Variants in WSCD1 observed in about 807,000 individuals in gnomAD.
WSCD1 encodes the protein sialate:O-sulfotransferase 1.
In WSCD1, 41 loss-of-function variants were observed where a neutral mutation model predicts 60.4. The ratio of observed to expected loss-of-function variants is 0.68; its 90% CI spans 0.53 to 0.88. The LOEUF is 0.88. Ranked by LOEUF, WSCD1 falls within the 40% of genes least tolerant of loss-of-function variation. WSCD1 has a pLI of 0.00. For missense variants in WSCD1, 784 were observed against 796.2 expected (o/e 0.98, Z 0.18); for synonymous variants, 361 against 332.5 (o/e 1.09, Z -0.93).
At chr17:6,081,721 A>T (rs894252078) in intron 2 of WSCD1, among the ~76,000 whole-genome samples, 6 of 152,118 alleles carry the variant, frequency 3.9e-5, no homozygotes, top group Non-Finnish European at 8.8e-5. Context: ...AAGAAAAAAA[A>T]AAAATTAGAC....
chr17:6,106,356 G>A (rs1392637872), intron 5 of WSCD1, among the ~76,000 whole-genome samples: 1 of 152,240 alleles, frequency 6.6e-6, no homozygotes, highest in Non-Finnish European at 1.5e-5. Context: ...GAACAGCCCA[G>A]GTGTCAATCA....
rs1051808926 is a variant in WSCD1 at position 6,070,659 on chromosome 17, C to T, written c.-289+7C>T. The T allele has an allele frequency of 1.3e-5, 2 of 150,302 alleles. No homozygotes were observed. The highest frequency in any genetic ancestry group is 4.9e-5 in the African/African-American group (2 of 41,038). 9.3% of individuals were successfully genotyped at this position (150,302 alleles called of 1,614,324 possible). ...AGCCGGCCGCGATCGCGGGGTGAGT[C>T]CTGTCTCTCGGCGCTCCAGCCGGAC... On this transcript the variant is annotated splice_region_variant and intron_variant, in intron 1 of 8. Coordinates refer to ENST00000317744, the MANE Select transcript of WSCD1 (RefSeq NM_015253.2).
At chr17:6,079,095 C>A (rs922060310) in intron 1 of WSCD1, among the ~76,000 whole-genome samples, 3 of 152,222 alleles carry the variant, frequency 2.0e-5, no homozygotes, top group Non-Finnish European at 2.9e-5. Flanking sequence ...CGGAACCTGG[C>A]GGCCCTCGCC....
chr17:6,095,717 C>G (rs990604810), intron 5 of WSCD1, among the ~76,000 whole-genome samples: 9 of 152,192 alleles, frequency 5.9e-5, no homozygotes, highest in Non-Finnish European at 1.2e-4. Context: ...AGGCCACTGA[C>G]CCCGCATTGC....
intron 5 of WSCD1, among the ~76,000 whole-genome samples, chr17:6,105,559 CCAGTGATGTTGCTGGAG>C (rs1366176785): frequency 6.6e-6 from 1 of 152,144 alleles, no homozygotes; most frequent in Non-Finnish European, 1.5e-5. Flanking sequence ...TTTTCAGAAT[CCAGTGATGTTGCTGGAG>C]CGGTGATGTT....
intron 5 of WSCD1, among the ~76,000 whole-genome samples, chr17:6,108,878 T>G (rs1911247881): frequency 6.6e-6 from 1 of 152,210 alleles, no homozygotes; most frequent in South Asian, 2.1e-4. Context: ...CTCCTACCCC[T>G]GACAGGGCCC....
At chr17:6,076,154 G>T (rs1908850463) in intron 1 of WSCD1, among the ~76,000 whole-genome samples, 1 of 152,212 alleles carries the variant, frequency 6.6e-6, no homozygotes, top group Non-Finnish European at 1.5e-5. Context: ...CCTGGTCTGA[G>T]TGCTGGCCCT....
Position 6,118,138 on chromosome 17 carries a change from A to C in WSCD1, c.1325A>C (p.Lys442Thr). 1 of 1,614,232 alleles carries C rather than the reference A, an allele frequency of 6.2e-7. No homozygotes were observed. The change falls in exon 8 of 9, where the codon AAA (lysine) becomes ACA (threonine). Residue 442 changes from lysine (K) to threonine (T), a missense_variant. By Grantham distance (78) the Lys-to-Thr change is moderately conservative. Coordinates refer to ENST00000317744, the MANE Select transcript of WSCD1 (RefSeq NM_015253.2). The surrounding 1 kb of genome is among the most constrained non-coding windows in gnomAD (Gnocchi z 5.8). Reference protein sequence around the residue: ...YRSLVAEFNRKCAGHLGYAAD... With the variant: ...YRSLVAEFNRTCAGHLGYAAD... ...TCCCTGGTGGCAGAATTCAACAGAA[A>C]ATGTGCCGGGCACCTGGGATATGCA...
intron 8 of WSCD1, among the ~76,000 whole-genome samples, chr17:6,119,092 G>C (rs528626482): frequency 1.3e-5 from 2 of 152,216 alleles, no homozygotes; most frequent in South Asian, 4.1e-4. Flanking sequence ...TCCATCACAA[G>C]GGCCCCACCC....
intron 1 of WSCD1, among the ~76,000 whole-genome samples, chr17:6,076,042 ACTC>A (rs1908840228): frequency 6.6e-6 from 1 of 152,154 alleles, no homozygotes; most frequent in Non-Finnish European, 1.5e-5. Context: ...GGCGCACTAA[ACTC>A]CTCTCAAGAA....
At chr17:6,092,224 C>T (rs1406701321) in intron 4 of WSCD1, among the ~76,000 whole-genome samples, 1 of 150,660 alleles carries the variant, frequency 6.6e-6, no homozygotes, top group Non-Finnish European at 1.5e-5. Flanking sequence ...GGAGGGCTGT[C>T]GAGTGAGTTT....
intron 3 of WSCD1, among the ~76,000 whole-genome samples, chr17:6,088,713 C>T (rs1909821023): frequency 6.6e-6 from 1 of 151,760 alleles, no homozygotes; most frequent in Non-Finnish European, 1.5e-5. Flanking sequence ...CACACACACA[C>T]ACATCTGAGA....
intron 5 of WSCD1, among the ~76,000 whole-genome samples, chr17:6,098,429 G>T (rs9909889): frequency 1.1e-3 from 174 of 152,320 alleles, no homozygotes; most frequent in African/African-American, 3.9e-3. Context: ...CAGGCTCTTG[G>T]TGTCTTGTGC....
Position 6,078,270 on chromosome 17 carries a change from C to G in WSCD1, c.-288-2101C>G, listed in dbSNP as rs1290851601. 2.0e-5 allele frequency among the ~76,000 whole-genome samples: 3 copies of G among 152,330 alleles called. No homozygotes were observed. The East Asian group carries it at 5.8e-4, about 29-fold the overall frequency. On this transcript the variant is annotated intron_variant, in intron 1 of 8. Transcript: ENST00000317744. Reference sequence around the variant, plus strand: ...AAAATGAATGAGGCATGGCCTCTACCCCTAAGGAGATTACAGACTTTGGAG... The same window carrying G: ...AAAATGAATGAGGCATGGCCTCTACGCCTAAGGAGATTACAGACTTTGGAG...
intron 1 of WSCD1, among the ~76,000 whole-genome samples, chr17:6,071,932 G>A (rs2150523521): frequency 6.6e-6 from 1 of 152,318 alleles, no homozygotes; most frequent in South Asian, 2.1e-4. Flanking sequence ...GGGTTTCTAG[G>A]AGGAAGAGCA....
intron 7 of WSCD1, among the ~76,000 whole-genome samples, chr17:6,111,418 A>G (rs1911399524): frequency 6.6e-6 from 1 of 152,186 alleles, no homozygotes; most frequent in Non-Finnish European, 1.5e-5. Flanking sequence ...AAAAGCAAGG[A>G]GGCCAGGCGC....
intron 8 of WSCD1, among the ~76,000 whole-genome samples, chr17:6,119,094 G>T (rs4255828): frequency 0.4 from 60,141 of 151,832 alleles, 12,818 homozygotes; most frequent in East Asian, 0.86. Flanking sequence ...CATCACAAGG[G>T]CCCCACCCTC....
chr17:6,119,868 C>T (rs572937587), intron 8 of WSCD1, among the ~76,000 whole-genome samples: 39 of 152,230 alleles, frequency 2.6e-4, no homozygotes, highest in South Asian at 1.7e-3. Context: ...ACACCCCTCC[C>T]CCAAAATTAA....
intron 4 of WSCD1, among the ~76,000 whole-genome samples, chr17:6,091,942 G>C (rs1597358406): frequency 6.6e-6 from 1 of 152,290 alleles, no homozygotes; most frequent in East Asian, 1.9e-4. Flanking sequence ...GAATCATGAG[G>C]TCAGGAGTTC....
Sources: allele counts gnomAD v4.1 joint callset (sites outside exome capture counted in the v4.1 genomes callset), GRCh38; gene constraint gnomAD v4.1.1; non-coding constraint Gnocchi (gnomAD v3.1); transcripts MANE v1.5; gene names NCBI Gene and HGNC (gene_info 2026-07-23, HGNC 2026-07-21).